The following HAVCR2 variants were observed in gnomAD, a reference collection of about 807,000 sequenced individuals.
HAVCR2 encodes the protein T cell immunoglobulin mucin 3.
A neutral mutation model predicts 24.7 loss-of-function variants in HAVCR2; 13 were observed. That is an observed-to-expected ratio of 0.53 (90% CI 0.34 to 0.84). The LOEUF is 0.84. Among genes scored for constraint, HAVCR2 ranks in the 40% least tolerant of loss-of-function variants. HAVCR2 has a pLI of 0.01. For missense variants in HAVCR2, 343 were observed against 371.2 expected (o/e 0.92, Z 0.62); for synonymous variants, 154 against 143.4 (o/e 1.07, Z -0.53).
At chr5:157,094,529 A>T (rs1757064260) in intron 5 of HAVCR2, among the ~76,000 whole-genome samples, 1 of 151,712 alleles carries the variant, frequency 6.6e-6, no homozygotes, top group Admixed American at 6.6e-5. Flanking sequence ...GATTACAGGC[A>T]TGCGCCACCA....
chr5:157,086,143 G>A lies in HAVCR2; in HGVS notation c.*959C>T, dbSNP rs780835984. ...TCAAGCACACAACAAGCAAAACTTG[G>A]CCAATACACACCAATCAAATGCACT... On this transcript the variant is annotated 3_prime_UTR_variant, in exon 7 of 7. Transcript: ENST00000307851. 1 of 152,154 alleles carries A rather than the reference G, an allele frequency of 6.6e-6. No individual in the cohort carries two copies. Among genetic ancestry groups the A allele is most frequent in the South Asian group, 2.1e-4 (1 of 4,830 alleles). The allele number at this position is 152,154 out of a possible 1,614,324, so 9.4% of individuals were successfully genotyped here. A position where few individuals can be genotyped will look rare whatever the true frequency, so the allele number is the denominator to read the frequency against.
In HAVCR2 at chr5:157,086,489, A is replaced by G. The variant is rs1756914307; in HGVS notation, c.*613T>C. On this transcript the variant is annotated 3_prime_UTR_variant, in exon 7 of 7. Transcript: ENST00000307851. ...TGGTGAAACCCTGTCTCTACTAAAA[A>G]TACAACAAATTAGCTGGGCATGGTG... 6.6e-6 allele frequency: 1 copy of G among 152,346 alleles called. No individual in the cohort carries two copies. Among genetic ancestry groups the G allele is most frequent in the African/African-American group, 2.4e-5 (1 of 41,444 alleles). The allele number at this position is 152,346 out of a possible 1,614,324, so 9.4% of individuals were successfully genotyped here. A position where few individuals can be genotyped will look rare whatever the true frequency, so the allele number is the denominator to read the frequency against.
At chr5:157,101,743 G>T (rs2113692477) in intron 3 of HAVCR2, among the ~76,000 whole-genome samples, 1 of 150,734 alleles carries the variant, frequency 6.6e-6, no homozygotes, top group East Asian at 1.9e-4. Flanking sequence ...CAGGCCCTTG[G>T]ATCTCTTACT....
At chr5:157,107,605 T>A (rs180673931) in intron 1 of HAVCR2, among the ~76,000 whole-genome samples, 4 of 152,216 alleles carry the variant, frequency 2.6e-5, no homozygotes, top group Admixed American at 2.0e-4. Context: ...AAAGTCAAGC[T>A]GGGAACTGGG....
At position 157,102,609 on chromosome 5, in the gene HAVCR2, G is replaced by T. The variant is rs563744053; in HGVS notation, c.478+2057C>A. On this transcript the variant is annotated intron_variant, in intron 3 of 6. Transcript: ENST00000307851. ...GTATTATTCCTATATTCCCATTTTT[G>T]TTGCCCTAGAGGGAAGGAACTAACA... 1.1e-4 allele frequency among the ~76,000 whole-genome samples: 16 copies of T among 152,028 alleles called. No individual in the cohort carries two copies. The South Asian group carries it at 3.1e-3, about 30-fold the overall frequency.
Position 157,086,260 on chromosome 5 carries a change from A to G in HAVCR2, c.*842T>C, listed in dbSNP as rs911931421. On this transcript the variant is annotated 3_prime_UTR_variant, in exon 7 of 7. Coordinates refer to ENST00000307851, the MANE Select transcript of HAVCR2 (RefSeq NM_032782.5). ...AGAAGGGCTATGCACTGGCACTGAC[A>G]GTTGGGCAGGCAGTGCTCAAATAAG... 1.5e-4 allele frequency: 23 copies of G among 152,376 alleles called. No homozygotes were observed. Among genetic ancestry groups the G allele is most frequent in the African/African-American group, 5.3e-4 (22 of 41,576 alleles). 9.4% of individuals were successfully genotyped at this position (152,376 alleles called of 1,614,324 possible).
At chr5:157,107,086 A>G (rs1031017451) in intron 1 of HAVCR2, 124 bp from the exon 2 acceptor site, 1 of 761,006 alleles carries the variant, frequency 1.3e-6, no homozygotes, top group Non-Finnish European at 2.1e-6. Flanking sequence ...TGTTTGGAGG[A>G]TGATTCGCTG....
intron 4 of HAVCR2, among the ~76,000 whole-genome samples, chr5:157,097,972 A>G (rs1316149610): frequency 3.9e-5 from 6 of 152,062 alleles, no homozygotes; most frequent in African/African-American, 1.4e-4. Flanking sequence ...CTTTATTTAT[A>G]GTTAAATACA....
chr5:157,096,229 C>CAAAAAAA (rs386405404), intron 4 of HAVCR2, among the ~76,000 whole-genome samples: 3 of 90,698 alleles, frequency 3.3e-5, no homozygotes, highest in South Asian at 4.0e-4. Context: ...GACTCCATCT[C>CAAAAAAA]AAAAAAAAAA....
At chr5:157,101,466 C>CT (rs1485002942) in intron 3 of HAVCR2, among the ~76,000 whole-genome samples, 1 of 152,224 alleles carries the variant, frequency 6.6e-6, no homozygotes, top group Non-Finnish European at 1.5e-5. Context: ...CTATTTGGTA[C>CT]TTATTAGGTG....
intron 5 of HAVCR2, among the ~76,000 whole-genome samples, chr5:157,094,542 C>T (rs1757064468): frequency 6.6e-6 from 1 of 151,924 alleles, no homozygotes; most frequent in Non-Finnish European, 1.5e-5. Context: ...CGCCACCACA[C>T]CCGGCTAATT....
intron 3 of HAVCR2, among the ~76,000 whole-genome samples, chr5:157,100,346 C>A (rs909353312): frequency 6.6e-6 from 1 of 152,182 alleles, no homozygotes; most frequent in African/African-American, 2.4e-5. Context: ...CTTCACCAGC[C>A]CTTACCTCAG....
At position 157,109,039 on chromosome 5, in the gene HAVCR2, C is replaced by T. The variant is rs527504518; in HGVS notation, c.-56G>A. On this transcript the variant is annotated 5_prime_UTR_variant, in exon 1 of 7. Transcript: ENST00000307851. ...CTCTGTTAGGCACAGTTTTAACTCT[C>T]CAAATGGACTGGGTACTTCTTCCAA... 143 of 1,506,332 alleles carry T rather than the reference C, an allele frequency of 9.5e-5. No individual in the cohort carries two copies. The South Asian group carries it at 1.6e-3, about 17-fold the overall frequency. 93.3% of individuals were successfully genotyped at this position (1,506,332 alleles called of 1,614,324 possible).
intron 5 of HAVCR2, among the ~76,000 whole-genome samples, chr5:157,091,376 G>A (rs1384298376): frequency 6.6e-6 from 1 of 151,904 alleles, no homozygotes; most frequent in East Asian, 1.9e-4. Flanking sequence ...ACCCGGGGAG[G>A]CAGAGGTTGC....
chr5:157,091,202 T>G (rs1436454719), intron 5 of HAVCR2, among the ~76,000 whole-genome samples: 2 of 152,192 alleles, frequency 1.3e-5, no homozygotes, highest in African/African-American at 4.8e-5. Flanking sequence ...CCCAGCACTT[T>G]GGGAGGCCAA....
chr5:157,095,398 G>A lies in HAVCR2; in HGVS notation c.584C>T (p.Ser195Phe). Residue 195 changes from serine to phenylalanine, a missense_variant, in exon 5 of 7, where the codon TCT becomes TTT. Coordinates refer to ENST00000307851, the MANE Select transcript of HAVCR2 (RefSeq NM_032782.5). Reference protein sequence around the residue: ...DSRLANDLRDSGATIRIGIYI... With the variant: ...DSRLANDLRDFGATIRIGIYI... ...GATGCCTATTCTGATGGTTGCTCCA[G>A]AGTCCCGTAAGTCATTGGCCAATCT... 1.9e-6 allele frequency: 3 copies of A among 1,614,108 alleles called. No individual in the cohort carries two copies. The highest frequency in any genetic ancestry group is 2.5e-6 in the Non-Finnish European group (3 of 1,180,010).
chr5:157,098,161 C>A (rs1757119851), intron 4 of HAVCR2, among the ~76,000 whole-genome samples: 1 of 151,996 alleles, frequency 6.6e-6, no homozygotes, highest in Non-Finnish European at 1.5e-5. Context: ...AATCTCAGCA[C>A]TTTGGGAGGC....
chr5:157,095,359 C>T lies in HAVCR2; in HGVS notation c.623G>A (p.Gly208Glu), dbSNP rs140201248. The T allele has an allele frequency of 1.2e-6, 2 of 1,614,062 alleles. No individual in the cohort carries two copies. Among genetic ancestry groups the T allele is most frequent in the African/African-American group, 1.3e-5 (1 of 75,000 alleles). ...TIRIGIYIGA[G>E]ICAGLALALI... ...AGCCAGAGCCAGCCCAGCACAGATC[C>T]CTGCTCCGATGTAGATGCCTATTCT... Residue 208 changes from glycine to glutamate, a missense_variant, in exon 5 of 7, where the codon GGG becomes GAG. Physicochemically the swap from Gly to Glu is moderately conservative, Grantham distance 98. Transcript: ENST00000307851.
In HAVCR2 at chr5:157,088,545, G is replaced by C. The variant is rs1049980049; in HGVS notation, c.713+396C>G. 1.6e-4 allele frequency among the ~76,000 whole-genome samples: 24 copies of C among 152,158 alleles called. 1 individual carries two copies. Among genetic ancestry groups the C allele is most frequent in the Non-Finnish European group, 3.4e-4 (23 of 68,046 alleles). On this transcript the variant is annotated intron_variant, in intron 6 of 6. Transcript: ENST00000307851. ...TAGGAAACTAAAGTTGAAAATGCCT[G>C]GGCTGTTTACAGAAATGCTGAGAAC...
Sources: gnomAD v4.1 joint callset for allele counts (sites outside exome capture counted in the v4.1 genomes callset) on GRCh38, gnomAD v4.1.1 for gene constraint, MANE v1.5 for transcripts, NCBI Gene and HGNC (gene_info 2026-07-23, HGNC 2026-07-21) for gene names.